Variants in SERPINB3 observed in about 807,000 individuals in gnomAD.
SERPINB3 encodes the protein serpin B3.
Under a neutral mutation model 33.0 loss-of-function variants are expected in SERPINB3, and 33 were observed. That is an observed-to-expected ratio of 1.00 (90% CI 0.76 to 1.34). The LOEUF is 1.34. SERPINB3 is among the 40% of genes most tolerant of loss of function. The pLI is 0.00. For missense variants in SERPINB3, 518 were observed against 461.5 expected, an observed-to-expected ratio of 1.12 and a Z score of -1.12; for synonymous variants, 200 against 170.9, an observed-to-expected ratio of 1.17 and a Z score of -1.33.
At position 63,656,919 on chromosome 18, in the gene SERPINB3, A is replaced by G. The variant is rs751976916; in HGVS notation, c.680T>C (p.Val227Ala). ...TSFHFASLED[V>A]QAKVLEIPYK... ...TGGTATTTCCAGGACCTTGGCCTGT[A>G]CATCCTCCAGCGAGGCAAAATGAAA... Residue 227 changes from valine to alanine, a missense_variant, in exon 7 of 8, where the codon GTA (valine) becomes GCA (alanine). Physicochemically the swap from Val to Ala is moderately conservative, Grantham distance 64. Coordinates refer to ENST00000283752, the MANE Select transcript of SERPINB3 (RefSeq NM_006919.3). The G allele has an allele frequency of 3.1e-6, 5 of 1,613,418 alleles. No homozygotes were observed. The South Asian group carries it at 4.4e-5, about 14-fold the overall frequency.
In SERPINB3 at chr18:63,655,640, T is replaced by C; in HGVS notation, c.*17A>G. 3 of 1,577,376 alleles carry C rather than the reference T, an allele frequency of 1.9e-6. No individual in the cohort carries two copies. The highest frequency in any genetic ancestry group is 2.6e-6 in the Non-Finnish European group (3 of 1,157,880). Reference sequence around the variant, plus strand: ...GCAGGTGAACATTTTCCAAATGGAGTGACAGACTAATTGCATCTACGGGGA... The same window carrying C: ...GCAGGTGAACATTTTCCAAATGGAGCGACAGACTAATTGCATCTACGGGGA... On this transcript the variant is annotated 3_prime_UTR_variant, in exon 8 of 8. Transcript: ENST00000283752.
In SERPINB3 at chr18:63,659,456, T is replaced by C. The variant is rs766950280; in HGVS notation, c.294A>G (p.Ala98=). 29 of 1,613,578 alleles carry C rather than the reference T, an allele frequency of 1.8e-5. No individual in the cohort carries two copies. The highest frequency in any genetic ancestry group is 1.6e-4 in the Middle Eastern group (1 of 6,076). Residue 98 remains alanine, a synonymous_variant, in exon 4 of 8, where the codon GCA becomes GCG. Coordinates refer to ENST00000283752, the MANE Select transcript of SERPINB3 (RefSeq NM_006919.3). ...GCTTGTTGGCGATCTTCAGCTCATATGCATCAGTGGATTTGTTGAATTCAG... is the reference window on the plus strand; with the variant it reads ...GCTTGTTGGCGATCTTCAGCTCATACGCATCAGTGGATTTGTTGAATTCAG... ...LLTEFNKSTD[A]YELKIANKLF... is the part of the protein sequence containing the mutation.
At chr18:63,659,991 G>T (rs1331524293) in intron 3 of SERPINB3, among the ~76,000 whole-genome samples, 1 of 152,160 alleles carries the variant, frequency 6.6e-6, no homozygotes, top group African/African-American at 2.4e-5. Context: ...TGACTGATCT[G>T]TGACTGTTTC....
chr18:63,656,776 A>G lies in SERPINB3; in HGVS notation c.768+55T>C, dbSNP rs1021548572. ...AGCTTTTACCTTGTTTAAACTTGGTATCTTTGGAAAAATGTCAGGCAGTAG... is the reference window on the plus strand; with the variant it reads ...AGCTTTTACCTTGTTTAAACTTGGTGTCTTTGGAAAAATGTCAGGCAGTAG... On this transcript the variant is annotated intron_variant, in intron 7 of 7. Coordinates refer to ENST00000283752, the MANE Select transcript of SERPINB3 (RefSeq NM_006919.3). 4.6e-6 allele frequency: 7 copies of G among 1,534,874 alleles called. No homozygotes were observed. The African/African-American group carries it at 6.8e-5, about 15-fold the overall frequency.
At chr18:63,657,720 T>G (rs1913534596) in intron 5 of SERPINB3, among the ~76,000 whole-genome samples, 1 of 152,080 alleles carries the variant, frequency 6.6e-6, no homozygotes, top group African/African-American at 2.4e-5. Context: ...AAACTGATTT[T>G]GTCTACTCTT....
chr18:63,656,709 C>T (rs1913505561), intron 7 of SERPINB3, 122 bp downstream of exon 7: 5 of 1,197,568 alleles, frequency 4.2e-6, no homozygotes, highest in African/African-American at 3.1e-5. Flanking sequence ...GTCATCATTC[C>T]TCATTTAGAA....
At chr18:63,660,680 C>T (rs1254716535) in intron 3 of SERPINB3, 120 bp downstream of exon 3, 7 of 1,260,674 alleles carry the variant, frequency 5.6e-6, no homozygotes, top group Admixed American at 1.9e-5. Context: ...CTGTATGTCT[C>T]AATCTTTGTG....
Position 63,656,837 on chromosome 18 carries a change from G to C in SERPINB3, c.762C>G (p.Leu254=), listed in dbSNP as rs781235774. The change falls in exon 7 of 8, where the codon CTC becomes CTG. Residue 254 remains leucine, a synonymous_variant. Transcript: ENST00000283752. ...TGTAGATGCAAGTTCTTACCTTCTGGAGACCATCGATTTCATTTGGCAGCA... is the reference window on the plus strand; with the variant it reads ...TGTAGATGCAAGTTCTTACCTTCTGCAGACCATCGATTTCATTTGGCAGCA... ...IVLLPNEIDG[L]QKLEEKLTAE... is the part of the protein sequence containing the mutation. 3.4e-5 allele frequency: 55 copies of C among 1,608,678 alleles called. No individual in the cohort carries two copies. Among genetic ancestry groups the C allele is most frequent in the Non-Finnish European group, 4.2e-5 (49 of 1,176,788 alleles).
chr18:63,660,874 C>T lies in SERPINB3; in HGVS notation c.166-18G>A, dbSNP rs546512704. On this transcript the variant is annotated intron_variant, in intron 2 of 7. Coordinates refer to ENST00000283752, the MANE Select transcript of SERPINB3 (RefSeq NM_006919.3). Reference sequence around the variant, plus strand: ...TGAAGAACCTGGAAGAGACATGAAGCGGGACAAGAAAACTTTACTCAAAAG... The same window carrying T: ...TGAAGAACCTGGAAGAGACATGAAGTGGGACAAGAAAACTTTACTCAAAAG... 49 of 1,613,152 alleles carry T rather than the reference C, an allele frequency of 3.0e-5. No homozygotes were observed. The highest frequency in any genetic ancestry group is 2.2e-4 in the East Asian group (10 of 44,786).
At position 63,660,810 on chromosome 18, in the gene SERPINB3, G is replaced by A. The variant is rs752389398; in HGVS notation, c.212C>T (p.Ala71Val). 46 of 1,613,348 alleles carry A rather than the reference G, an allele frequency of 2.9e-5. No individual in the cohort carries two copies. The highest frequency in any genetic ancestry group is 9.9e-5 in the South Asian group (9 of 91,066). Residue 71 changes from alanine (A) to valine (V), a missense_variant, in exon 3 of 8, where the codon GCA (alanine) becomes GTA (valine). Ala to Val is a moderately conservative substitution (Grantham distance 64). Coordinates refer to ENST00000283752, the MANE Select transcript of SERPINB3 (RefSeq NM_006919.3). ...QVTENTTGKAATYHVDRSGNV... is the reference protein window; with the variant it reads ...QVTENTTGKAVTYHVDRSGNV... ...TGCTCTGTGACTCACATGATATGTTGCAGCTTTTCCTGTGGTGTTCTCTGT... is the reference window on the plus strand; with the variant it reads ...TGCTCTGTGACTCACATGATATGTTACAGCTTTTCCTGTGGTGTTCTCTGT...
intron 5 of SERPINB3, 73 bp downstream of exon 5, chr18:63,658,440 C>G (rs1031222885): frequency 2.4e-6 from 3 of 1,250,482 alleles, no homozygotes; most frequent in Non-Finnish European, 3.5e-6. Flanking sequence ...CATGGTCCCC[C>G]ATGCAGTTTC....
chr18:63,656,458 T>C (rs1041504783), intron 7 of SERPINB3, among the ~76,000 whole-genome samples: 3 of 152,236 alleles, frequency 2.0e-5, no homozygotes, highest in Admixed American at 2.0e-4. Flanking sequence ...CATTATTTAG[T>C]ACACATTGCA....
intron 3 of SERPINB3, among the ~76,000 whole-genome samples, chr18:63,660,529 C>T (rs1212418364): frequency 6.6e-6 from 1 of 152,106 alleles, no homozygotes; most frequent in Admixed American, 6.6e-5. Context: ...TGCTCATGTT[C>T]ACCATTTGTG....
rs539147734 is a variant in SERPINB3, at chr18:63,655,951, A to G, written c.879T>C (p.Tyr293=). The part of the protein sequence containing the change: ...HLPRFKVEES[Y]DLKDTLRTMG... ...TGGTTCTCAACGTGTCCTTGAGGTC[A>G]TAGCTCTCTTCCACTTTGAACCGAG... The change falls in exon 8 of 8, where the codon TAT becomes TAC. Residue 293 remains tyrosine, a synonymous_variant. Transcript: ENST00000283752. 45 of 1,614,034 alleles carry G rather than the reference A, an allele frequency of 2.8e-5. No homozygotes were observed. Among genetic ancestry groups the G allele is most frequent in the African/African-American group, 1.5e-4 (11 of 75,032 alleles).
Position 63,657,404 on chromosome 18 carries a change from T to C in SERPINB3, c.478A>G (p.Lys160Glu), listed in dbSNP as rs2144493178. The C allele has an allele frequency of 6.3e-7, 1 of 1,595,428 alleles. No homozygotes were observed. Among genetic ancestry groups the C allele is most frequent in the Admixed American group, 1.7e-5 (1 of 57,338 alleles). Residue 160 changes from lysine to glutamate, a missense_variant, in exon 6 of 8, where the codon AAA becomes GAA. Coordinates refer to ENST00000283752, the MANE Select transcript of SERPINB3 (RefSeq NM_006919.3). ...WVESQTNEKIKNLIPEGNIGS... is the reference protein window; with the variant it reads ...WVESQTNEKIENLIPEGNIGS... ...ATATTACCTTCAGGAATTAGGTTTT[T>C]AATTTTTTCTGCAAGGGAAAGAATA... is the stretch of plus-strand genomic sequence containing the variant.
chr18:63,656,116 C>T (rs1452256245), intron 7 of SERPINB3, 55 bp from the exon 8 acceptor site: 151 of 1,560,668 alleles, frequency 9.7e-5, no homozygotes, highest in Non-Finnish European at 1.2e-4. Flanking sequence ...TCTAATACAC[C>T]TTAACAATGA....
At chr18:63,661,447 AG>A (rs1455219618) in intron 1 of SERPINB3, among the ~76,000 whole-genome samples, 8 of 152,180 alleles carry the variant, frequency 5.3e-5, no homozygotes, top group Admixed American at 6.5e-5. Context: ...TCACAAAATT[AG>A]TGTTTTTAAA....
chr18:63,655,535 A>G lies in SERPINB3; in HGVS notation c.*122T>C, dbSNP rs1467389589. ...AATCATTAAATTCTTGATGATGACGATCATCATCAAGATGAGAAAGAAAAG... is the reference window on the plus strand; with the variant it reads ...AATCATTAAATTCTTGATGATGACGGTCATCATCAAGATGAGAAAGAAAAG... On this transcript the variant is annotated 3_prime_UTR_variant, in exon 8 of 8. Coordinates refer to ENST00000283752, the MANE Select transcript of SERPINB3 (RefSeq NM_006919.3). 3 of 1,039,198 alleles carry G rather than the reference A, an allele frequency of 2.9e-6. No individual in the cohort carries two copies. The highest frequency in any genetic ancestry group is 2.8e-6 in the Non-Finnish European group (2 of 714,346). The allele number at this position is 1,039,198 out of a possible 1,614,324, so 64.4% of individuals were successfully genotyped here.
In SERPINB3 at chr18:63,655,855, TAGC is replaced by T. The variant is rs1913480421; in HGVS notation, c.972_974del (p.Leu325del). The T allele has an allele frequency of 1.2e-6, 2 of 1,613,864 alleles. No individual in the cohort carries two copies. Among genetic ancestry groups the T allele is most frequent in the East Asian group, 2.2e-5 (1 of 44,876 alleles). Reference sequence around the variant, plus strand: ...CAAAGGCCTTGTGTAGGACTCCAGATAGCACGAGACCGCGGCTCCCGGTCATGC... The same window carrying T: ...CAAAGGCCTTGTGTAGGACTCCAGATACGAGACCGCGGCTCCCGGTCATGC... On this transcript the variant is annotated inframe_deletion, in exon 8 of 8. Transcript: ENST00000283752.
Sources: gnomAD v4.1 joint callset for allele counts (sites outside exome capture counted in the v4.1 genomes callset) on GRCh38, gnomAD v4.1.1 for gene constraint, MANE v1.5 for transcripts, NCBI Gene and HGNC (gene_info 2026-07-23, HGNC 2026-07-21) for gene names.